CACNA1H: variants seen among roughly 807,000 people sequenced by gnomAD.
CACNA1H encodes calcium voltage-gated channel subunit alpha1 H.
CACNA1H carries 149 observed loss-of-function variants against 192.5 expected under a neutral mutation model. That is an observed-to-expected ratio of 0.77 (90% CI 0.68 to 0.89). The LOEUF is 0.89. CACNA1H is among the 40% of genes least tolerant of loss of function. The pLI, the probability that CACNA1H is intolerant of heterozygous loss-of-function variation, is 0.00. For synonymous variants in CACNA1H, 2,202 were observed against 1,475.2 expected, an observed-to-expected ratio of 1.49 and a Z score of -11.29; for missense variants, 4,257 against 3,423.5, an observed-to-expected ratio of 1.24 and a Z score of -6.08.
intron 2 of CACNA1H, among the ~76,000 whole-genome samples, chr16:1,188,174 C>G (rs939757257): frequency 1.1e-3 from 174 of 152,302 alleles, no homozygotes; most frequent in African/African-American, 4.0e-3. Context: ...GGGGCAGGGT[C>G]GGGGAGGCCC....
At chr16:1,156,342 G>A (rs1212892623) in intron 2 of CACNA1H, among the ~76,000 whole-genome samples, 1 of 152,240 alleles carries the variant, frequency 6.6e-6, no homozygotes, top group African/African-American at 2.4e-5. Flanking sequence ...CATGGGGGTG[G>A]GTGTGACCAC....
chr16:1,171,488 G>A (rs988731149), intron 2 of CACNA1H, among the ~76,000 whole-genome samples: 4 of 152,322 alleles, frequency 2.6e-5, no homozygotes, highest in South Asian at 4.1e-4. Flanking sequence ...GGAGGCCCGC[G>A]GGAAGCTTCT....
chr16:1,194,541 C>G (rs1966843734), intron 2 of CACNA1H, among the ~76,000 whole-genome samples: 1 of 152,202 alleles, frequency 6.6e-6, no homozygotes, highest in Non-Finnish European at 1.5e-5. Context: ...TCCCCCTGCC[C>G]TGGGGCCCTC....
chr16:1,196,904 A>G (rs1293314887), intron 5 of CACNA1H, among the ~76,000 whole-genome samples: 2 of 152,134 alleles, frequency 1.3e-5, no homozygotes, highest in African/African-American at 4.8e-5. Context: ...AGGCCGTACC[A>G]GGCGCGAGTG....
chr16:1,155,787 T>A (rs1337407914), intron 2 of CACNA1H, among the ~76,000 whole-genome samples: 2 of 152,108 alleles, frequency 1.3e-5, no homozygotes, highest in African/African-American at 2.4e-5. Flanking sequence ...TGCGTTGCTG[T>A]GTGCAGGGAA....
At chr16:1,199,832 C>T (rs942586809) in intron 6 of CACNA1H, among the ~76,000 whole-genome samples, 2 of 151,720 alleles carry the variant, frequency 1.3e-5, no homozygotes, top group Admixed American at 6.6e-5. Flanking sequence ...CCCAGGCTTC[C>T]CTCCCCTCGT....
In CACNA1H at chr16:1,202,022, C is replaced by T; in HGVS notation, c.1572C>T (p.His524=). The T allele has an allele frequency of 6.5e-7, 1 of 1,537,548 alleles. No individual in the cohort carries two copies. The highest frequency in any genetic ancestry group is 8.7e-7 in the Non-Finnish European group (1 of 1,143,944). Residue 524 remains histidine (H), a synonymous_variant, in exon 9 of 35, where the codon CAC becomes CAT. Transcript: ENST00000348261. ...VHHLVYHHHH[H]HHHHYHFSHG... ...ACCTGGTCTACCACCACCATCACCA[C>T]CACCACCACCACTACCATTTCAGCC...
chr16:1,158,255 G>A (rs549513920), intron 2 of CACNA1H, among the ~76,000 whole-genome samples: 2 of 152,284 alleles, frequency 1.3e-5, no homozygotes, highest in African/African-American at 4.8e-5. Context: ...GCTGAGACTG[G>A]GAGCGTTGCA....
intron 2 of CACNA1H, among the ~76,000 whole-genome samples, chr16:1,158,767 T>C (rs1962778089): frequency 6.6e-6 from 1 of 151,914 alleles, no homozygotes; most frequent in Non-Finnish European, 1.5e-5. Context: ...CCGAGAGAGC[T>C]CTAGTTCCAC....
At chr16:1,176,670 G>A (rs1029238830) in intron 2 of CACNA1H, among the ~76,000 whole-genome samples, 2 of 152,214 alleles carry the variant, frequency 1.3e-5, no homozygotes, top group East Asian at 3.9e-4. Flanking sequence ...TGAGCAGGGG[G>A]CTGATGGGGG....
At position 1,195,694 on chromosome 16, in the gene CACNA1H, C is replaced by T. The variant is rs569269448; in HGVS notation, c.545+129C>T. 3.9e-3 allele frequency: 4,629 copies of T among 1,194,226 alleles called. 46 individuals carry two copies. Among genetic ancestry groups the T allele is most frequent in the South Asian group, 0.016 (1,145 of 69,652 alleles). The allele number at this position is 1,194,226 out of a possible 1,614,324, so 74.0% of individuals were successfully genotyped here. On this transcript the variant is annotated intron_variant, in intron 4 of 34. Coordinates refer to ENST00000348261, the MANE Select transcript of CACNA1H (RefSeq NM_021098.3). ...AGAGGGATCCAGGTAGAGCCAGGGA[C>T]CCTGTCTGGGACTCCGGAGACCCTC...
intron 2 of CACNA1H, among the ~76,000 whole-genome samples, chr16:1,166,400 C>T (rs941564842): frequency 2.6e-5 from 4 of 152,214 alleles, no homozygotes; most frequent in African/African-American, 4.8e-5. Flanking sequence ...GAGGAGGCCG[C>T]GCAGCGTACA....
intron 11 of CACNA1H, 45 bp downstream of exon 11, chr16:1,205,310 C>A (rs780242140): frequency 1.3e-6 from 2 of 1,556,188 alleles, no homozygotes; most frequent in Non-Finnish European, 8.7e-7. Flanking sequence ...CGGGAAGCTC[C>A]ACTCTCTGGC....
rs1014917807 is a variant in CACNA1H at position 1,201,969 on chromosome 16, G to A, written c.1519G>A (p.Ala507Thr). 9 of 1,544,010 alleles carry A rather than the reference G, an allele frequency of 5.8e-6. No homozygotes were observed. Among genetic ancestry groups the A allele is most frequent in the Non-Finnish European group, 7.9e-6 (9 of 1,144,366 alleles). Residue 507 changes from alanine to threonine, a missense_variant, in exon 9 of 35, where the codon GCA becomes ACA. Coordinates refer to ENST00000348261, the MANE Select transcript of CACNA1H (RefSeq NM_021098.3). ...GQGPGHRQRR[A>T]GRHTASVHHL... ...GGGTCCCGGGCACCGCCAGCGCCGG[G>A]CAGGCAGGCACACAGCCTCGGTGCA...
chr16:1,156,726 G>T (rs558354005), intron 2 of CACNA1H, among the ~76,000 whole-genome samples: 49 of 152,246 alleles, frequency 3.2e-4, no homozygotes, highest in Admixed American at 7.2e-4. Flanking sequence ...GCTCCCGGGG[G>T]TTGGCAGAGC....
chr16:1,203,254 G>C (rs1310380078), intron 9 of CACNA1H, among the ~76,000 whole-genome samples: 1 of 152,194 alleles, frequency 6.6e-6, no homozygotes, highest in Admixed American at 6.5e-5. Flanking sequence ...AAGACAGCAC[G>C]AAAACATCAC....
rs1969244340 is a variant in CACNA1H, at chr16:1,210,070, C to T, written c.3780C>T (p.Pro1260=). 6.4e-7 allele frequency: 1 copy of T among 1,556,782 alleles called. No homozygotes were observed. Among genetic ancestry groups the T allele is most frequent in the South Asian group, 1.2e-5 (1 of 84,290 alleles). ...TCCGCCTGCATAAAGTGCTGGAGCC[C>T]TACAAGCCCCAGTGGTGCCGGAGCC... ...CCLRLHKVLE[P]YKPQWCRSRE... The change falls in exon 18 of 35, where the codon CCC becomes CCT. Residue 1260 remains proline (P), a synonymous_variant. Coordinates refer to ENST00000348261, the MANE Select transcript of CACNA1H (RefSeq NM_021098.3).
At chr16:1,187,521 GC>G (rs1966192231) in intron 2 of CACNA1H, among the ~76,000 whole-genome samples, 1 of 152,226 alleles carries the variant, frequency 6.6e-6, no homozygotes, top group South Asian at 2.1e-4. Context: ...TGCAGATTTG[GC>G]CTAATGGGGC....
intron 11 of CACNA1H, 120 bp from the exon 12 acceptor site, chr16:1,205,984 A>G (rs1031680533): frequency 5.6e-6 from 5 of 894,154 alleles, no homozygotes; most frequent in Non-Finnish European, 8.3e-6. Flanking sequence ...ACCCTCTCCC[A>G]TCTGTGGGAT....
Sources: allele counts gnomAD v4.1 joint callset (sites outside exome capture counted in the v4.1 genomes callset), GRCh38; gene constraint gnomAD v4.1.1; transcripts MANE v1.5; gene names NCBI Gene and HGNC (gene_info 2026-07-23, HGNC 2026-07-21).